The following TM4SF4 variants were observed in gnomAD, a reference collection of about 807,000 sequenced individuals.
The protein encoded by TM4SF4 is transmembrane 4 L six family member 4.
A neutral mutation model predicts 24.1 loss-of-function variants in TM4SF4; 24 were observed. The observed-to-expected ratio is 1.00, with a 90% CI of 0.72 to 1.40. The LOEUF (loss-of-function observed/expected upper bound fraction) is 1.40, where lower values mean the gene tolerates loss of function less well. Ranked by LOEUF, TM4SF4 falls within the 40% of genes most tolerant of loss-of-function variation. The pLI, the probability that TM4SF4 is intolerant of heterozygous loss-of-function variation, is 0.00. For missense variants in TM4SF4, 254 were observed against 254.2 expected (o/e 1.00, Z 0.01); for synonymous variants, 113 against 97.0 (o/e 1.17, Z -0.97).
intron 3 of TM4SF4, among the ~76,000 whole-genome samples, chr3:149,489,858 G>A (rs910919226): frequency 1.3e-5 from 2 of 152,078 alleles, no homozygotes; most frequent in Non-Finnish European, 2.9e-5. Context: ...AAACCTTGCA[G>A]GCAAGCGGGA....
At chr3:149,490,080 T>C (rs1347219362) in intron 3 of TM4SF4, among the ~76,000 whole-genome samples, 3 of 152,244 alleles carry the variant, frequency 2.0e-5, no homozygotes, top group Non-Finnish European at 4.4e-5. Flanking sequence ...ACTACTTATG[T>C]TTTAATTTAA....
At position 149,502,637 on chromosome 3, in the gene TM4SF4, T is replaced by C. The variant is rs1734449677; in HGVS notation, c.592-39T>C. ...GGGGAAAAGCAAAAATTTACATAAA[T>C]CATGACATCATAGTTAATTCACCTT... On this transcript the variant is annotated intron_variant, in intron 4 of 4. Coordinates refer to ENST00000305354, the MANE Select transcript of TM4SF4 (RefSeq NM_004617.4). 3.2e-6 allele frequency: 5 copies of C among 1,550,580 alleles called. No homozygotes were observed. In the East Asian group the frequency reaches 1.1e-4, roughly 35 times the overall value.
intron 4 of TM4SF4, 116 bp downstream of exon 4, chr3:149,499,027 C>A: frequency 9.0e-7 from 1 of 1,106,452 alleles, no homozygotes; most frequent in Non-Finnish European, 1.3e-6. Flanking sequence ...GTAAGTGTGG[C>A]CACCTGCAGA....
At chr3:149,493,632 G>C (rs1189073900) in intron 3 of TM4SF4, among the ~76,000 whole-genome samples, 2 of 152,246 alleles carry the variant, frequency 1.3e-5, no homozygotes, top group Non-Finnish European at 2.9e-5. Flanking sequence ...AATGAGAGCT[G>C]CTGCTATTTA....
At chr3:149,498,589 T>C in intron 3 of TM4SF4, 133 bp from the exon 4 acceptor site, 1 of 749,352 alleles carries the variant, frequency 1.3e-6, no homozygotes, top group Non-Finnish European at 2.2e-6. Flanking sequence ...AAATTGTTAG[T>C]ACAGAGTATT....
At chr3:149,475,730 C>G in intron 1 of TM4SF4, 93 bp from the exon 2 acceptor site, 1 of 1,083,292 alleles carries the variant, frequency 9.2e-7, no homozygotes, top group Non-Finnish European at 1.4e-6. Context: ...CTCCAAATCC[C>G]TCATTGTGGA....
At chr3:149,481,298 C>A (rs1251503226) in intron 2 of TM4SF4, among the ~76,000 whole-genome samples, 3 of 152,116 alleles carry the variant, frequency 2.0e-5, no homozygotes, top group Non-Finnish European at 4.4e-5. Context: ...CAACTAAGTG[C>A]CTAGGGTATG....
chr3:149,475,809 T>A lies in TM4SF4; in HGVS notation c.175-14T>A. 1 of 1,601,480 alleles carries A rather than the reference T, an allele frequency of 6.2e-7. No individual in the cohort carries two copies. Among genetic ancestry groups the A allele is most frequent in the Non-Finnish European group, 8.5e-7 (1 of 1,174,010 alleles). ...ACTCCTGGACTCTCTCTGAGGTGCC[T>A]CTTCTCCTGGTAGATGATCTTCCCT... On this transcript the variant is annotated splice_polypyrimidine_tract_variant and intron_variant, in intron 1 of 4. Coordinates refer to ENST00000305354, the MANE Select transcript of TM4SF4 (RefSeq NM_004617.4).
At chr3:149,493,186 CT>C (rs1734245097) in intron 3 of TM4SF4, among the ~76,000 whole-genome samples, 1 of 152,032 alleles carries the variant, frequency 6.6e-6, no homozygotes, top group African/African-American at 2.4e-5. Flanking sequence ...TGCATTAAAA[CT>C]TTAAAAATGT....
At chr3:149,499,010 T>G in intron 4 of TM4SF4, 99 bp downstream of exon 4, 1 of 1,315,258 alleles carries the variant, frequency 7.6e-7, no homozygotes, top group Non-Finnish European at 1.1e-6. Flanking sequence ...ACTGAAGGAA[T>G]GAGGGGGTAA....
At chr3:149,492,517 T>A (rs985321424) in intron 3 of TM4SF4, among the ~76,000 whole-genome samples, 1 of 152,114 alleles carries the variant, frequency 6.6e-6, no homozygotes, top group East Asian at 1.9e-4. Flanking sequence ...CCCTTGACCC[T>A]GAGCTGCTGA....
At chr3:149,490,507 A>G (rs977111375) in intron 3 of TM4SF4, among the ~76,000 whole-genome samples, 2 of 152,220 alleles carry the variant, frequency 1.3e-5, no homozygotes, top group Non-Finnish European at 2.9e-5. Flanking sequence ...GTGGCTTGCC[A>G]AGAGGAATAC....
chr3:149,476,114 G>T (rs967428486), intron 2 of TM4SF4, among the ~76,000 whole-genome samples: 2 of 152,218 alleles, frequency 1.3e-5, no homozygotes, highest in East Asian at 3.8e-4. Flanking sequence ...TACTTATAGG[G>T]TATGAATATT....
intron 2 of TM4SF4, among the ~76,000 whole-genome samples, chr3:149,484,945 T>A (rs1397863319): frequency 6.6e-6 from 1 of 152,216 alleles, no homozygotes; most frequent in Non-Finnish European, 1.5e-5. Flanking sequence ...TTTATAATAA[T>A]TAATAAATAT....
intron 2 of TM4SF4, among the ~76,000 whole-genome samples, chr3:149,487,333 G>T (rs1229387571): frequency 6.6e-6 from 1 of 152,130 alleles, no homozygotes; most frequent in African/African-American, 2.4e-5. Flanking sequence ...CTGGGGAGGA[G>T]AGTTTATCTT....
chr3:149,477,100 G>A (rs137914911), intron 2 of TM4SF4, among the ~76,000 whole-genome samples: 10 of 152,118 alleles, frequency 6.6e-5, no homozygotes, highest in East Asian at 1.9e-4. Context: ...GTGCCCAGTC[G>A]TCTTTACTAT....
intron 2 of TM4SF4, among the ~76,000 whole-genome samples, chr3:149,477,099 C>A (rs904338849): frequency 6.6e-6 from 1 of 152,072 alleles, no homozygotes; most frequent in African/African-American, 2.4e-5. Context: ...TGTGCCCAGT[C>A]GTCTTTACTA....
intron 2 of TM4SF4, among the ~76,000 whole-genome samples, chr3:149,476,917 C>T (rs772488510): frequency 6.7e-6 from 1 of 149,066 alleles, no homozygotes; most frequent in African/African-American, 2.5e-5. Flanking sequence ...TCTCCCACCT[C>T]AGCCTTCCAA....
chr3:149,493,050 G>A (rs1734241944), intron 3 of TM4SF4, among the ~76,000 whole-genome samples: 1 of 152,106 alleles, frequency 6.6e-6, no homozygotes, highest in Admixed American at 6.6e-5. Flanking sequence ...CACAGGTTCA[G>A]GTAAGAGTAA....
Sources: gnomAD v4.1 joint callset for allele counts (sites outside exome capture counted in the v4.1 genomes callset) on GRCh38, gnomAD v4.1.1 for gene constraint, MANE v1.5 for transcripts, NCBI Gene and HGNC (gene_info 2026-07-23, HGNC 2026-07-21) for gene names.